CAMK1D: variants seen among roughly 807,000 people sequenced by gnomAD.
CAMK1D encodes the protein calcium/calmodulin dependent protein kinase ID.
CAMK1D carries 9 observed loss-of-function variants against 47.7 expected under a neutral mutation model. That is an observed-to-expected ratio of 0.19 (90% confidence interval 0.11 to 0.33). The LOEUF (loss-of-function observed/expected upper bound fraction) is 0.33. Ranked by LOEUF, CAMK1D falls within the 10% of genes least tolerant of loss-of-function variation. The probability of loss-of-function intolerance (pLI) is 1.00; values close to 1 mark genes in which losing one functional copy is unlikely to be tolerated. For missense variants in CAMK1D, 291 were observed against 488.7 expected, an observed-to-expected ratio of 0.60 and a Z score of 3.81; for synonymous variants, 184 against 184.9, an observed-to-expected ratio of 0.99 and a Z score of 0.04.
chr10:12,620,186 CAAAAAAAAAAAAAAAA>C (rs56027797), intron 2 of CAMK1D, among the ~76,000 whole-genome samples: 49 of 86,594 alleles, frequency 5.7e-4, no homozygotes, highest in Admixed American at 2.9e-3. Flanking sequence ...GACTCCGTCT[CAAAAAAAAAAAAAAAA>C]AAAAAAAAAA....
At chr10:12,538,468 T>A (rs1366954309) in intron 1 of CAMK1D, among the ~76,000 whole-genome samples, 1 of 152,242 alleles carries the variant, frequency 6.6e-6, no homozygotes, top group Non-Finnish European at 1.5e-5. Flanking sequence ...CCAGTTTTTA[T>A]GTTTAAGCAG....
intron 3 of CAMK1D, among the ~76,000 whole-genome samples, chr10:12,718,103 A>G (rs1588843107): frequency 6.6e-6 from 1 of 151,778 alleles, no homozygotes; most frequent in African/African-American, 2.4e-5. Flanking sequence ...TTCTTTTCTG[A>G]CCCCTTACAA....
intron 1 of CAMK1D, among the ~76,000 whole-genome samples, chr10:12,491,591 G>A (rs1319679636): frequency 6.6e-6 from 1 of 152,096 alleles, no homozygotes; most frequent in Non-Finnish European, 1.5e-5. Context: ...TGCAGGCAGT[G>A]GGCAGGTTGT....
At chr10:12,676,351 A>G (rs968954015) in intron 3 of CAMK1D, among the ~76,000 whole-genome samples, 1 of 152,180 alleles carries the variant, frequency 6.6e-6, no homozygotes, top group Non-Finnish European at 1.5e-5. Context: ...GCTCTCCTGT[A>G]TAAAATAGCA....
intron 2 of CAMK1D, among the ~76,000 whole-genome samples, chr10:12,663,394 G>T (rs1039843561): frequency 1.3e-5 from 2 of 152,170 alleles, no homozygotes; most frequent in African/African-American, 2.4e-5. Flanking sequence ...CGTATTGTAG[G>T]AAGACTGGTC....
chr10:12,751,113 TAA>T (rs1835955185), intron 3 of CAMK1D, among the ~76,000 whole-genome samples: 16 of 82,018 alleles, frequency 2.0e-4, no homozygotes, highest in East Asian at 6.7e-4. Context: ...TAAGATAAGA[TAA>T]GATAAGATAA....
chr10:12,396,522 C>T (rs1328283466), intron 1 of CAMK1D, among the ~76,000 whole-genome samples: 1 of 152,212 alleles, frequency 6.6e-6, no homozygotes, highest in Non-Finnish European at 1.5e-5. Context: ...TAGCCCTCCA[C>T]TGGAGAACAC....
At chr10:12,686,199 A>G (rs1832655692) in intron 3 of CAMK1D, among the ~76,000 whole-genome samples, 1 of 152,222 alleles carries the variant, frequency 6.6e-6, no homozygotes. Flanking sequence ...TGCCATATAC[A>G]TATTTAGGAA....
At chr10:12,753,471 C>T (rs1836081278) in intron 3 of CAMK1D, among the ~76,000 whole-genome samples, 1 of 152,134 alleles carries the variant, frequency 6.6e-6, no homozygotes, top group Non-Finnish European at 1.5e-5. Flanking sequence ...TCTTACAAGT[C>T]CTCATTAGAC....
intron 2 of CAMK1D, among the ~76,000 whole-genome samples, chr10:12,640,683 A>C (rs1177869940): frequency 6.6e-6 from 1 of 152,190 alleles, no homozygotes; most frequent in African/African-American, 2.4e-5. Flanking sequence ...AACACTTTAC[A>C]CTTTACACAG....
chr10:12,699,409 C>T lies in CAMK1D; in HGVS notation c.299+32599C>T, dbSNP rs960240819. Among the ~76,000 whole-genome samples the T allele has an allele frequency of 3.9e-5, 6 of 152,090 alleles. 1 individual carries two copies. The highest frequency in any genetic ancestry group is 2.6e-4 in the Admixed American group (4 of 15,270). On this transcript the variant is annotated intron_variant, in intron 3 of 10. Coordinates refer to ENST00000619168, the MANE Select transcript of CAMK1D (RefSeq NM_153498.4). The stretch of plus-strand genomic sequence containing the variant: ...GAAAGCCGTGTTTTGTTTCCTGTTA[C>T]AGTTCTTCAAGGAAATGCTTCAGGA...
At chr10:12,360,530 C>T (rs1482225829) in intron 1 of CAMK1D, among the ~76,000 whole-genome samples, 1 of 152,150 alleles carries the variant, frequency 6.6e-6, no homozygotes, top group East Asian at 1.9e-4. Flanking sequence ...TCAAATTTGC[C>T]TTAAAACTTG....
At chr10:12,632,068 C>T (rs866245702) in intron 2 of CAMK1D, among the ~76,000 whole-genome samples, 4 of 152,222 alleles carry the variant, frequency 2.6e-5, no homozygotes, top group African/African-American at 9.6e-5. Context: ...TGAATGAAGG[C>T]CCCGTTGCTT....
chr10:12,587,336 T>A (rs1381152640), intron 2 of CAMK1D, among the ~76,000 whole-genome samples: 1 of 152,094 alleles, frequency 6.6e-6, no homozygotes, highest in African/African-American at 2.4e-5. Flanking sequence ...TCTCATCATA[T>A]CCCGCATGCA....
At chr10:12,523,539 T>G (rs902832872) in intron 1 of CAMK1D, among the ~76,000 whole-genome samples, 1 of 151,850 alleles carries the variant, frequency 6.6e-6, no homozygotes, top group Admixed American at 6.6e-5. Context: ...AGTTAGGAGC[T>G]GGAGACCAGC....
chr10:12,504,129 C>CTGTGTG lies in CAMK1D; in HGVS notation c.93-49079_93-49074dup, dbSNP rs375226417. ...GATGGGTGTGTGTGTGTGTGTGTGTCTGTGTGTGTGTGTGTGTGTGTGATG... is the reference window on the plus strand; with the variant it reads ...GATGGGTGTGTGTGTGTGTGTGTGTCTGTGTGTGTGTGTGTGTGTGTGTGTGTGATG... On this transcript the variant is annotated intron_variant, in intron 1 of 10. Coordinates refer to ENST00000619168, the MANE Select transcript of CAMK1D (RefSeq NM_153498.4). 3.4e-5 allele frequency among the ~76,000 whole-genome samples: 5 copies of CTGTGTG among 146,526 alleles called. No individual in the cohort carries two copies. The South Asian group carries it at 6.6e-4, about 19-fold the overall frequency.
chr10:12,574,753 T>C (rs531635958), intron 2 of CAMK1D, among the ~76,000 whole-genome samples: 291 of 152,290 alleles, frequency 1.9e-3, no homozygotes, highest in Non-Finnish European at 3.5e-3. Context: ...CTGCAGGCTG[T>C]ACTGCAAACA....
At chr10:12,373,054 C>T (rs41407149) in intron 1 of CAMK1D, among the ~76,000 whole-genome samples, 49,855 of 152,122 alleles carry the variant, frequency 0.33, 8,304 homozygotes, top group Middle Eastern at 0.39. Context: ...TTTTAACAGA[C>T]GTTTGCAAAG....
At chr10:12,533,376 A>G (rs1051626412) in intron 1 of CAMK1D, among the ~76,000 whole-genome samples, 1 of 152,190 alleles carries the variant, frequency 6.6e-6, no homozygotes, top group African/African-American at 2.4e-5. Flanking sequence ...AAGTCACTCC[A>G]AGTACCATCT....
Sources: allele counts gnomAD v4.1 joint callset (sites outside exome capture counted in the v4.1 genomes callset), GRCh38; gene constraint gnomAD v4.1.1; transcripts MANE v1.5; gene names NCBI Gene and HGNC (gene_info 2026-07-23, HGNC 2026-07-21).